IRS1: variants seen among roughly 807,000 people sequenced by gnomAD.
The protein encoded by IRS1 is insulin receptor substrate 1.
A neutral mutation model predicts 65.6 loss-of-function variants in IRS1; 34 were observed. The ratio of observed to expected loss-of-function variants is 0.52; its 90% CI spans 0.39 to 0.69. The LOEUF (loss-of-function observed/expected upper bound fraction) is 0.69. Ranked by LOEUF, IRS1 falls within the 30% of genes least tolerant of loss-of-function variation. The pLI, the probability that IRS1 is intolerant of heterozygous loss-of-function variation, is 0.00. For missense variants in IRS1, 1,641 were observed against 1,720.2 expected, an observed-to-expected ratio of 0.95 and a Z score of 0.81; for synonymous variants, 699 against 683.5, an observed-to-expected ratio of 1.02 and a Z score of -0.35.
chr2:226,776,762 C>A lies in IRS1; in HGVS notation c.*21+18227G>T, dbSNP rs186886164. Among the ~76,000 whole-genome samples, 510 of 152,242 alleles carry A rather than the reference C, an allele frequency of 3.3e-3. 1 individual carries two copies. Among genetic ancestry groups the A allele is most frequent in the African/African-American group, 0.012 (480 of 41,528 alleles). On this transcript the variant is annotated intron_variant, in intron 1 of 1. Transcript: ENST00000305123. ...TCTCTACTAAAAATACAAAAATTAG[C>A]CTGGCATGGTGGCGCACACCCATAA...
At chr2:226,752,811 C>A (rs1034857259) in intron 1 of IRS1, among the ~76,000 whole-genome samples, 3 of 152,218 alleles carry the variant, frequency 2.0e-5, no homozygotes, top group Admixed American at 2.0e-4. Context: ...TGGACCCATG[C>A]GACCACTGGA....
intron 1 of IRS1, among the ~76,000 whole-genome samples, chr2:226,741,685 C>T (rs1438992155): frequency 6.6e-6 from 1 of 151,818 alleles, no homozygotes; most frequent in East Asian, 1.9e-4. Flanking sequence ...ATTTACAGTA[C>T]CACTAACTGG....
rs13306469 is a variant in IRS1, at chr2:226,796,575, C to T, written c.2164G>A (p.Gly722Ser). 9.4e-5 allele frequency: 152 copies of T among 1,614,052 alleles called. No homozygotes were observed. In the East Asian group the frequency reaches 2.5e-3, roughly 26 times the overall value. ...PHPKPPVESS[G>S]GKLLPCTGDY... ...CCTGTGCAAGGTAAGAGCTTACCAC[C>T]GCTGCTCTCCACTGGGGGTTTGGGG... Residue 722 changes from glycine to serine, a missense_variant, in exon 1 of 2, where the codon GGT becomes AGT. Gly to Ser is a moderately conservative substitution (Grantham distance 56). This residue lies in a region of IRS1 where 1,324 missense variants were observed against 1,361.0 expected (regional missense o/e 0.97). Transcript: ENST00000305123.
At chr2:226,765,117 CATTT>C (rs1303432504) in intron 1 of IRS1, among the ~76,000 whole-genome samples, 2 of 152,150 alleles carry the variant, frequency 1.3e-5, no homozygotes, top group Non-Finnish European at 1.5e-5. Flanking sequence ...TTCATTCATT[CATTT>C]GAGATGGGGT....
chr2:226,775,676 G>A (rs1403107396), intron 1 of IRS1, among the ~76,000 whole-genome samples: 1 of 152,158 alleles, frequency 6.6e-6, no homozygotes, highest in East Asian at 1.9e-4. Context: ...CAATATAATT[G>A]TCCATCAGGT....
chr2:226,797,301 T>TGGGGGCGGTCA lies in IRS1; in HGVS notation c.1427_1437dup (p.Asn480Ter). On this transcript the variant is annotated stop_gained and frameshift_variant, in exon 1 of 2. Coordinates refer to ENST00000305123, the MANE Select transcript of IRS1 (RefSeq NM_005544.3). LOFTEE classifies it high-confidence loss of function. The surrounding 1 kb of genome is among the most constrained non-coding windows in gnomAD (Gnocchi z 8.1). ...CCCCGAGACAAAATGTAGTGACCGT[T>TGGGGGCGGTCA]GGGGGCGGTCAGGGTGGAGGGCCCC... 1 of 1,613,406 alleles carries TGGGGGCGGTCA rather than the reference T, an allele frequency of 6.2e-7. No homozygotes were observed. The highest frequency in any genetic ancestry group is 8.5e-7 in the Non-Finnish European group (1 of 1,179,954).
At chr2:226,791,815 C>G (rs891848919) in intron 1 of IRS1, among the ~76,000 whole-genome samples, 1 of 152,148 alleles carries the variant, frequency 6.6e-6, no homozygotes, top group Admixed American at 6.5e-5. Flanking sequence ...CCGCCAGCGC[C>G]GACCACGCGG....
In IRS1 at chr2:226,795,925, A is replaced by G. The variant is rs142101835; in HGVS notation, c.2814T>C (p.Thr938=). The change falls in exon 1 of 2, where the codon ACT becomes ACC. Residue 938 remains threonine (T), a synonymous_variant. Transcript: ENST00000305123. ...CCAGGTCCATCTTCATGTACTCCTC[A>G]GTGCCAGTCTCTTCCTCTCTGGGAG... ...QPAPREEETG[T]EEYMKMDLGP... is the part of the protein sequence containing the mutation. The G allele has an allele frequency of 2.5e-3, 4,005 of 1,613,992 alleles. 10 individuals carry two copies. The highest frequency in any genetic ancestry group is 2.6e-3 in the Non-Finnish European group (3,018 of 1,180,030).
At chr2:226,767,936 A>G (rs59644805) in intron 1 of IRS1, among the ~76,000 whole-genome samples, 12,301 of 152,160 alleles carry the variant, frequency 0.081, 867 homozygotes, top group African/African-American at 0.19. Flanking sequence ...TGACATTCCC[A>G]GGCTTTCATC....
rs1327206468 is a variant in IRS1, at chr2:226,796,205, A to G, written c.2534T>C (p.Val845Ala). The change falls in exon 1 of 2, where the codon GTG becomes GCG. Residue 845 changes from valine (V) to alanine (A), a missense_variant. By Grantham distance (64) the Val-to-Ala change is moderately conservative. Coordinates refer to ENST00000305123, the MANE Select transcript of IRS1 (RefSeq NM_005544.3). ...QVLQPHLPRK[V>A]DTAAQTNSRL... Reference sequence around the variant, plus strand: ...GCTATTGGTCTGAGCAGCTGTGTCCACCTTTCGAGGCAGATGGGGCTGCAG... The same window carrying G: ...GCTATTGGTCTGAGCAGCTGTGTCCGCCTTTCGAGGCAGATGGGGCTGCAG... The G allele has an allele frequency of 6.2e-7, 1 of 1,613,342 alleles. No individual in the cohort carries two copies. The highest frequency in any genetic ancestry group is 2.2e-5 in the East Asian group (1 of 44,846).
chr2:226,742,334 T>C (rs903091194), intron 1 of IRS1, among the ~76,000 whole-genome samples: 3 of 152,096 alleles, frequency 2.0e-5, no homozygotes, highest in Non-Finnish European at 4.4e-5. Flanking sequence ...GCTACTTGGA[T>C]GTTGAAAGGA....
intron 1 of IRS1, among the ~76,000 whole-genome samples, chr2:226,738,271 A>G (rs1047738989): frequency 2.0e-5 from 3 of 152,222 alleles, no homozygotes; most frequent in Non-Finnish European, 2.9e-5. Flanking sequence ...CATAAAATAA[A>G]TTGCAAAAAC....
Position 226,759,733 on chromosome 2 carries a change from A to T in IRS1, c.*22-23483T>A, listed in dbSNP as rs377675084. On this transcript the variant is annotated intron_variant, in intron 1 of 1. Coordinates refer to ENST00000305123, the MANE Select transcript of IRS1 (RefSeq NM_005544.3). ...CTTTTTTGATATAACTTAAAACTAC[A>T]TAGTTTCTTTATAGCAGAGAAAATA... is the stretch of plus-strand genomic sequence containing the variant. 7.2e-5 allele frequency among the ~76,000 whole-genome samples: 11 copies of T among 152,346 alleles called. No individual in the cohort carries two copies. The East Asian group carries it at 1.3e-3, about 19-fold the overall frequency.
intron 1 of IRS1, among the ~76,000 whole-genome samples, chr2:226,771,149 A>T (rs568015710): frequency 2.0e-5 from 3 of 152,200 alleles, no homozygotes; most frequent in Admixed American, 6.5e-5. Context: ...CCCTATTTTT[A>T]TGGGAGGGAG....
intron 1 of IRS1, among the ~76,000 whole-genome samples, chr2:226,753,104 CT>C (rs1938716678): frequency 6.6e-6 from 1 of 152,180 alleles, no homozygotes; most frequent in Non-Finnish European, 1.5e-5. Context: ...ATGGAAGGGA[CT>C]TGACACTGAA....
chr2:226,789,699 T>C (rs1449583281), intron 1 of IRS1, among the ~76,000 whole-genome samples: 1 of 152,108 alleles, frequency 6.6e-6, no homozygotes, highest in Admixed American at 6.5e-5. Context: ...TACTCTATAG[T>C]GTGGGGAGGG....
At chr2:226,777,693 T>TA (rs1243037994) in intron 1 of IRS1, among the ~76,000 whole-genome samples, 1 of 152,184 alleles carries the variant, frequency 6.6e-6, no homozygotes, top group Non-Finnish European at 1.5e-5. Flanking sequence ...CTGATAGTTT[T>TA]AAAAACGGGG....
rs1354444661 is a variant in IRS1 at position 226,796,704 on chromosome 2, G to T, written c.2035C>A (p.Pro679Thr). ...GGCSPDIGGG[P>T]SSSSSSSNAV... ...TTGCTGCTGCTGCTGCTGCTGCTGG[G>T]GCCACCTCCAATGTCAGGAGAGCAG... The change falls in exon 1 of 2, where the codon CCC becomes ACC. Residue 679 changes from proline (P) to threonine (T), a missense_variant. Coordinates refer to ENST00000305123, the MANE Select transcript of IRS1 (RefSeq NM_005544.3). The T allele has an allele frequency of 4.3e-6, 7 of 1,613,604 alleles. No individual in the cohort carries two copies. The highest frequency in any genetic ancestry group is 5.9e-6 in the Non-Finnish European group (7 of 1,179,818).
intron 1 of IRS1, among the ~76,000 whole-genome samples, chr2:226,776,825 G>A (rs998834309): frequency 6.6e-6 from 1 of 152,134 alleles, no homozygotes; most frequent in Non-Finnish European, 1.5e-5. Context: ...AGAATCGCTG[G>A]AATCCAGGAG....
Sources: gnomAD v4.1 joint callset for allele counts (sites outside exome capture counted in the v4.1 genomes callset) on GRCh38, gnomAD v4.1.1 for gene constraint, gnomAD v4.1.1 regional missense constraint, Gnocchi (gnomAD v3.1) non-coding constraint, MANE v1.5 for transcripts, NCBI Gene and HGNC (gene_info 2026-07-23, HGNC 2026-07-21) for gene names.